Variants in VPS37A observed in about 807,000 individuals in gnomAD.
The protein encoded by VPS37A is VPS37A subunit of ESCRT-I.
Under a neutral mutation model 49.8 loss-of-function variants are expected in VPS37A, and 30 were observed. That is an observed-to-expected ratio of 0.60 (90% CI 0.45 to 0.82). The LOEUF is 0.82. Among genes scored for constraint, VPS37A ranks in the 40% least tolerant of loss-of-function variants. The pLI, the probability that VPS37A is intolerant of heterozygous loss-of-function variation, is 0.00. For missense variants in VPS37A, 593 were observed against 464.4 expected, an observed-to-expected ratio of 1.28 and a Z score of -2.55; for synonymous variants, 195 against 160.6, an observed-to-expected ratio of 1.21 and a Z score of -1.62.
chr8:17,290,785 T>C (rs1385138253), intron 11 of VPS37A, among the ~76,000 whole-genome samples: 1 of 152,182 alleles, frequency 6.6e-6, no homozygotes, highest in African/African-American at 2.4e-5. Flanking sequence ...CTGGTAGAAT[T>C]TGGCTATGAA....
intron 1 of VPS37A, among the ~76,000 whole-genome samples, chr8:17,258,021 A>T (rs926193519): frequency 6.6e-6 from 1 of 152,122 alleles, no homozygotes; most frequent in Admixed American, 6.5e-5. Flanking sequence ...ATCATTTCTA[A>T]CAGGTTTTTT....
downstream of VPS37A, chr8:17,302,310 C>T (rs1817170140): frequency 6.3e-7 from 1 of 1,587,346 alleles, no homozygotes; most frequent in African/African-American, 1.4e-5. Context: ...GTCGTGATAC[C>T]ACCTTATCAC....
the VPS37A span, chr8:17,311,853 AC>A: frequency 1.6e-6 from 1 of 618,376 alleles, no homozygotes; most frequent in Non-Finnish European, 2.8e-6. Flanking sequence ...TCCAGAAGCC[AC>A]CACTCAAGTC....
chr8:17,317,128 ATG>A, the VPS37A span, among the ~76,000 whole-genome samples: 1 of 151,992 alleles, frequency 6.6e-6, no homozygotes, highest in Admixed American at 6.6e-5. Flanking sequence ...GCTTGCTTAT[ATG>A]TGTGTGTGTT....
At chr8:17,286,798 GTCTCTT>G (rs894663301) in intron 11 of VPS37A, among the ~76,000 whole-genome samples, 2 of 152,144 alleles carry the variant, frequency 1.3e-5, no homozygotes, top group Non-Finnish European at 2.9e-5. Flanking sequence ...CTTCCAGCCA[GTCTCTT>G]TCTCTATCCC....
downstream of VPS37A, chr8:17,299,770 C>T (rs949154140): frequency 7.8e-6 from 12 of 1,528,906 alleles, no homozygotes; most frequent in African/African-American, 2.8e-5. Context: ...ATGACATGCA[C>T]CATTTCCTGT....
At chr8:17,285,390 T>A (rs1390346910) in intron 10 of VPS37A, among the ~76,000 whole-genome samples, 2 of 152,226 alleles carry the variant, frequency 1.3e-5, no homozygotes, top group Non-Finnish European at 2.9e-5. Context: ...AATACATTTT[T>A]AAAAATTGAG....
chr8:17,256,241 C>T (rs190019159), intron 1 of VPS37A, among the ~76,000 whole-genome samples: 2 of 137,308 alleles, frequency 1.5e-5, no homozygotes, highest in African/African-American at 2.8e-5. Context: ...TGCCAGCATT[C>T]GTTATTGCCT....
chr8:17,272,109 A>G, intron 4 of VPS37A: 1 of 456,284 alleles, frequency 2.2e-6, no homozygotes, highest in Non-Finnish European at 4.4e-6. Flanking sequence ...AGTATTGGTA[A>G]ACTTTCCACT....
the VPS37A span, among the ~76,000 whole-genome samples, chr8:17,318,057 C>G: frequency 6.6e-6 from 1 of 152,032 alleles, no homozygotes; most frequent in Non-Finnish European, 1.5e-5. Context: ...CTACATCAAA[C>G]TGAGCTGTTA....
At chr8:17,272,865 C>A (rs1358889501) in intron 4 of VPS37A, among the ~76,000 whole-genome samples, 1 of 150,670 alleles carries the variant, frequency 6.6e-6, no homozygotes, top group Non-Finnish European at 1.5e-5. Context: ...CACTTTTTTC[C>A]CTTGCAGCTT....
downstream of VPS37A, chr8:17,305,729 TAAACACCAA>T (rs754968462): frequency 3.7e-5 from 58 of 1,563,752 alleles, no homozygotes; most frequent in Non-Finnish European, 4.7e-5. Context: ...AAATAAAAGT[TAAACACCAA>T]AAACACCAAA....
downstream of VPS37A, among the ~76,000 whole-genome samples, chr8:17,303,414 C>G (rs187009993): frequency 6.7e-4 from 102 of 152,160 alleles, no homozygotes; most frequent in Admixed American, 3.1e-3. Context: ...AAGTCTGTGT[C>G]GGGAGTGAGT....
At chr8:17,249,525 T>C (rs1422784283) in intron 1 of VPS37A, among the ~76,000 whole-genome samples, 3 of 152,234 alleles carry the variant, frequency 2.0e-5, no homozygotes, top group African/African-American at 7.2e-5. Context: ...TTACAAATTA[T>C]ACTCGAATAA....
At chr8:17,288,751 G>A (rs185514803) in intron 11 of VPS37A, among the ~76,000 whole-genome samples, 14 of 152,260 alleles carry the variant, frequency 9.2e-5, no homozygotes, top group African/African-American at 3.4e-4. Flanking sequence ...TGGGATCTGG[G>A]TCAAATGGTA....
chr8:17,252,486 C>G (rs571057885), intron 1 of VPS37A, among the ~76,000 whole-genome samples: 114 of 152,270 alleles, frequency 7.5e-4, no homozygotes, highest in African/African-American at 2.6e-3. Flanking sequence ...CCCAATTTTT[C>G]TTTATTTAAT....
chr8:17,311,370 TC>T, the VPS37A span: 1 of 1,086,252 alleles, frequency 9.2e-7, no homozygotes, highest in South Asian at 1.5e-5. Context: ...TTAATCTTGA[TC>T]TCTTCCCCTT....
At chr8:17,293,309 CATTT>C (rs1383967909) in intron 11 of VPS37A, among the ~76,000 whole-genome samples, 4 of 151,620 alleles carry the variant, frequency 2.6e-5, no homozygotes, top group Non-Finnish European at 2.9e-5. Context: ...TCAGGTAGGT[CATTT>C]ATTTATGTTC....
At chr8:17,262,423 T>C (rs1327638601) in intron 1 of VPS37A, among the ~76,000 whole-genome samples, 1 of 152,234 alleles carries the variant, frequency 6.6e-6, no homozygotes, top group African/African-American at 2.4e-5. Context: ...TGATATATTA[T>C]TACAGCTTTA....
Sources: gnomAD v4.1 joint callset for allele counts (sites outside exome capture counted in the v4.1 genomes callset) on GRCh38, gnomAD v4.1.1 for gene constraint, MANE v1.5 for transcripts, NCBI Gene and HGNC (gene_info 2026-07-23, HGNC 2026-07-21) for gene names.